The following TAFA5 variants were observed in gnomAD, a reference collection of about 807,000 sequenced individuals.
TAFA5 encodes the protein TAFA chemokine like family member 5, also known as chemokine-like protein TAFA-5.
Under a neutral mutation model 15.3 loss-of-function variants are expected in TAFA5, and 6 were observed. That is an observed-to-expected ratio of 0.39 (90% CI 0.21 to 0.77). The LOEUF is 0.77. Ranked by LOEUF, TAFA5 falls within the 30% of genes least tolerant of loss-of-function variation. TAFA5 has a pLI of 0.41. For missense variants in TAFA5, 161 were observed against 193.1 expected (o/e 0.83, Z 0.98); for synonymous variants, 103 against 80.7 (o/e 1.28, Z -1.48).
intron 2 of TAFA5, among the ~76,000 whole-genome samples, chr22:48,692,007 G>T (rs531554401): frequency 2.6e-5 from 4 of 152,282 alleles, no homozygotes; most frequent in Admixed American, 1.3e-4. Context: ...AGCTCCTAGG[G>T]CAGGAACACT....
intron 1 of TAFA5, among the ~76,000 whole-genome samples, chr22:48,501,539 G>A (rs1920951917): frequency 6.6e-6 from 1 of 152,040 alleles, no homozygotes; most frequent in African/African-American, 2.4e-5. Context: ...GGTGCCTGGG[G>A]AGAGGTAGTC....
At chr22:48,506,656 G>T (rs1403907449) in intron 1 of TAFA5, among the ~76,000 whole-genome samples, 6 of 152,194 alleles carry the variant, frequency 3.9e-5, no homozygotes. Flanking sequence ...AGGCTGCCCT[G>T]CCGGGTGCTG....
At chr22:48,576,288 C>A in intron 1 of TAFA5, 4 of 1,035,264 alleles carry the variant, frequency 3.9e-6, no homozygotes, top group Non-Finnish European at 3.6e-6. Flanking sequence ...CCCGCCCGCT[C>A]CCCTCCCCCC....
rs145516061 is a variant in TAFA5 at position 48,658,767 on chromosome 22, T to C, written c.262+12021T>C. Among the ~76,000 whole-genome samples the C allele has an allele frequency of 3.8e-3, 576 of 152,254 alleles. 1 individual carries two copies. The highest frequency in any genetic ancestry group is 0.013 in the African/African-American group (538 of 41,534). On this transcript the variant is annotated intron_variant, in intron 2 of 3. Coordinates refer to ENST00000402357, the MANE Select transcript of TAFA5 (RefSeq NM_001082967.3). ...GGAAATGCCCCTGCTGGCCCAGACC[T>C]AGGGCGTCGACGTGTAGAGAGAGAA...
chr22:48,489,843 G>C lies in TAFA5; in HGVS notation c.112+139G>C. The C allele has an allele frequency of 6.4e-6, 3 of 469,094 alleles. No individual in the cohort carries two copies. Among genetic ancestry groups the C allele is most frequent in the Non-Finnish European group, 7.1e-6 (2 of 280,658 alleles). The allele number at this position is 469,094 out of a possible 1,614,324, so 29.1% of individuals were successfully genotyped here. ...CGGGCGCATGGTCCCCCGAGTCCCG[G>C]CCGGTCCAACGCTGCGCTGGGCGGG... is the stretch of plus-strand genomic sequence containing the variant. On this transcript the variant is annotated intron_variant, in intron 1 of 3. Coordinates refer to ENST00000402357, the MANE Select transcript of TAFA5 (RefSeq NM_001082967.3). This position sits in a 1 kb window ranked among gnomAD's most constrained non-coding sequence, Gnocchi z 5.5.
intron 1 of TAFA5, among the ~76,000 whole-genome samples, chr22:48,640,321 G>A (rs1926626425): frequency 1.3e-5 from 2 of 152,260 alleles, no homozygotes; most frequent in African/African-American, 2.4e-5. Context: ...GGGCATGGGG[G>A]CATGCCAGCA....
chr22:48,738,239 C>T (rs1569100354), intron 3 of TAFA5, among the ~76,000 whole-genome samples: 1 of 152,154 alleles, frequency 6.6e-6, no homozygotes, highest in Non-Finnish European at 1.5e-5. Context: ...AGGAGGGAAG[C>T]CCCCGGAATG....
At chr22:48,693,775 C>T (rs1421486733) in intron 2 of TAFA5, among the ~76,000 whole-genome samples, 2 of 152,150 alleles carry the variant, frequency 1.3e-5, no homozygotes, top group African/African-American at 4.8e-5. Flanking sequence ...CTACCCTGGG[C>T]TTTGCATCTT....
intron 1 of TAFA5, among the ~76,000 whole-genome samples, chr22:48,510,403 C>A (rs1034275555): frequency 3.9e-5 from 6 of 152,242 alleles, no homozygotes; most frequent in African/African-American, 1.2e-4. Context: ...ATAGATATTT[C>A]TCAAAAGAAG....
chr22:48,663,454 C>A (rs960106108), intron 2 of TAFA5, among the ~76,000 whole-genome samples: 4 of 152,170 alleles, frequency 2.6e-5, no homozygotes, highest in Non-Finnish European at 5.9e-5. Flanking sequence ...AGCCGGCACA[C>A]GGTGACTTAG....
At chr22:48,651,587 G>A (rs1927055947) in intron 2 of TAFA5, among the ~76,000 whole-genome samples, 1 of 152,204 alleles carries the variant, frequency 6.6e-6, no homozygotes. Context: ...GGGAGTTTGA[G>A]GCAGGCGTGG....
intron 3 of TAFA5, among the ~76,000 whole-genome samples, chr22:48,726,690 C>T (rs1376637930): frequency 6.6e-6 from 1 of 151,638 alleles, no homozygotes; most frequent in Non-Finnish European, 1.5e-5. Flanking sequence ...ACAATCCAGT[C>T]GTGGTAGTCT....
At chr22:48,616,800 G>A (rs1381977173) in intron 1 of TAFA5, among the ~76,000 whole-genome samples, 2 of 152,232 alleles carry the variant, frequency 1.3e-5, no homozygotes, top group Non-Finnish European at 2.9e-5. Context: ...AGGCTGCGTG[G>A]CTCTGGGCTC....
At chr22:48,744,664 TG>T (rs1034689957) in intron 3 of TAFA5, among the ~76,000 whole-genome samples, 1 of 152,210 alleles carries the variant, frequency 6.6e-6, no homozygotes, top group African/African-American at 2.4e-5. Flanking sequence ...GGTCCTAACT[TG>T]GGTGGTTTCT....
Position 48,598,656 on chromosome 22 carries a change from A to G in TAFA5, c.113-47941A>G, listed in dbSNP as rs999054963. On this transcript the variant is annotated intron_variant, in intron 1 of 3. Transcript: ENST00000402357. The surrounding 1 kb of genome is among the most constrained non-coding windows in gnomAD (Gnocchi z 4.0). ...GTTTTTCACACCAACAAGTTCTCCA[A>G]CTTTCCAGACACCAAATGAATATCT... Among the ~76,000 whole-genome samples the G allele has an allele frequency of 6.6e-6, 1 of 152,074 alleles. No individual in the cohort carries two copies. The highest frequency in any genetic ancestry group is 1.5e-5 in the Non-Finnish European group (1 of 68,012).
At chr22:48,723,731 C>T (rs1291827300) in intron 3 of TAFA5, among the ~76,000 whole-genome samples, 3 of 152,198 alleles carry the variant, frequency 2.0e-5, no homozygotes, top group African/African-American at 7.2e-5. Flanking sequence ...GGTAAGAATG[C>T]CCCCAGGGTT....
chr22:48,605,303 GTGA>G (rs1316962442), intron 1 of TAFA5, among the ~76,000 whole-genome samples: 27 of 86,704 alleles, frequency 3.1e-4, no homozygotes, highest in East Asian at 1.6e-3. Flanking sequence ...GGTGGTGATG[GTGA>G]TGATGGTGGT....
chr22:48,659,638 C>T (rs113447355), intron 2 of TAFA5, among the ~76,000 whole-genome samples: 2,727 of 151,022 alleles, frequency 0.018, 40 homozygotes, highest in Non-Finnish European at 0.026. Context: ...CACTTGTTCT[C>T]GCCCTGTCCT....
intron 3 of TAFA5, among the ~76,000 whole-genome samples, chr22:48,740,001 C>T (rs972504930): frequency 4.6e-5 from 7 of 152,128 alleles, no homozygotes; most frequent in African/African-American, 1.2e-4. Context: ...GGAGTCTGAT[C>T]GGTGTCCGGA....
Sources: allele counts gnomAD v4.1 joint callset (sites outside exome capture counted in the v4.1 genomes callset), GRCh38; gene constraint gnomAD v4.1.1; non-coding constraint Gnocchi (gnomAD v3.1); transcripts MANE v1.5; gene names NCBI Gene and HGNC (gene_info 2026-07-23, HGNC 2026-07-21).